KCNH1: variants seen among roughly 807,000 people sequenced by gnomAD.
KCNH1 encodes voltage-gated delayed rectifier potassium channel KCNH1.
A neutral mutation model predicts 69.2 loss-of-function variants in KCNH1; 27 were observed. That is an observed-to-expected ratio of 0.39 (90% CI 0.29 to 0.54). The LOEUF (loss-of-function observed/expected upper bound fraction) is 0.54. Among genes scored for constraint, KCNH1 ranks in the 20% least tolerant of loss-of-function variants. The probability of loss-of-function intolerance (pLI) is 0.68; values close to 1 mark genes in which losing one functional copy is unlikely to be tolerated. For missense variants in KCNH1, 798 were observed against 1,261.6 expected, an observed-to-expected ratio of 0.63 and a Z score of 5.57; for synonymous variants, 456 against 487.7, an observed-to-expected ratio of 0.93 and a Z score of 0.86.
At chr1:211,001,144 A>C (rs1314006209) in intron 6 of KCNH1, among the ~76,000 whole-genome samples, 1 of 152,236 alleles carries the variant, frequency 6.6e-6, no homozygotes, top group Non-Finnish European at 1.5e-5. Flanking sequence ...AATGGCAACA[A>C]AAGACAAAAT....
intron 6 of KCNH1, among the ~76,000 whole-genome samples, chr1:210,979,981 T>C (rs1043973593): frequency 3.9e-5 from 6 of 152,226 alleles, no homozygotes; most frequent in African/African-American, 7.2e-5. Flanking sequence ...CAAGATGTTG[T>C]GGACAAATAT....
chr1:210,797,932 A>C (rs1684351327), intron 8 of KCNH1, among the ~76,000 whole-genome samples, 172 bp from the exon 9 acceptor site: 1 of 152,036 alleles, frequency 6.6e-6, no homozygotes, highest in African/African-American at 2.4e-5. Flanking sequence ...GATAGCTTCT[A>C]AAAAAAATCT....
intron 7 of KCNH1, among the ~76,000 whole-genome samples, chr1:210,877,380 C>G (rs1686399254): frequency 6.6e-6 from 1 of 152,086 alleles, no homozygotes; most frequent in African/African-American, 2.4e-5. Flanking sequence ...CTCAGCTGCC[C>G]TGAGGGAGGA....
rs760501894 is a variant in KCNH1 at position 210,683,927 on chromosome 1, T to C, written c.2324A>G (p.His775Arg). Residue 775 changes from histidine to arginine, a missense_variant, in exon 11 of 11, where the codon CAT becomes CGT. This residue lies in a region of KCNH1 where 331 missense variants were observed against 363.2 expected (regional missense o/e 0.91). Coordinates refer to ENST00000271751, the MANE Select transcript of KCNH1 (RefSeq NM_172362.3). The surrounding 1 kb of genome is among the most constrained non-coding windows in gnomAD (Gnocchi z 5.7). Reference protein sequence around the residue: ...DVEKGNVLTEHASANHSLVKA... With the variant: ...DVEKGNVLTERASANHSLVKA... ...CACGAGGCTGTGGTTGGCGGAGGCATGCTCTGTAAGGACATTGCCCTTCTC... is the reference window on the plus strand; with the variant it reads ...CACGAGGCTGTGGTTGGCGGAGGCACGCTCTGTAAGGACATTGCCCTTCTC... The C allele has an allele frequency of 1.2e-6, 2 of 1,612,342 alleles. No individual in the cohort carries two copies. The highest frequency in any genetic ancestry group is 4.5e-5 in the East Asian group (2 of 44,800).
chr1:210,822,465 A>G (rs987951563), intron 7 of KCNH1, among the ~76,000 whole-genome samples: 5 of 152,102 alleles, frequency 3.3e-5, no homozygotes, highest in African/African-American at 1.2e-4. Flanking sequence ...AAGAATTTAT[A>G]CCGACTCAAT....
chr1:211,115,793 C>T (rs1448992363), intron 1 of KCNH1, among the ~76,000 whole-genome samples: 1 of 150,302 alleles, frequency 6.7e-6, no homozygotes, highest in African/African-American at 2.4e-5. Context: ...CTGACTAATA[C>T]ACTACCCAAA....
chr1:210,758,847 T>C (rs1683452722), intron 10 of KCNH1, among the ~76,000 whole-genome samples: 1 of 151,998 alleles, frequency 6.6e-6, no homozygotes, highest in Non-Finnish European at 1.5e-5. Flanking sequence ...CACTGGGAGG[T>C]GTTGCTTTTC....
At chr1:211,108,798 C>T (rs976964968) in intron 1 of KCNH1, among the ~76,000 whole-genome samples, 16 of 152,308 alleles carry the variant, frequency 1.1e-4, no homozygotes, top group African/African-American at 3.9e-4. Flanking sequence ...TATAAATATG[C>T]TTTTAATGAA....
intron 7 of KCNH1, among the ~76,000 whole-genome samples, chr1:210,839,980 TGAGAGTGA>T (rs1685370935): frequency 6.6e-6 from 1 of 151,844 alleles, no homozygotes; most frequent in Non-Finnish European, 1.5e-5. Flanking sequence ...CAATGCTGAG[TGAGAGTGA>T]GAGAGTGAGA....
intron 10 of KCNH1, among the ~76,000 whole-genome samples, chr1:210,740,907 C>A (rs907953820): frequency 2.0e-5 from 3 of 152,036 alleles, no homozygotes; most frequent in African/African-American, 7.2e-5. Context: ...GTAAAGCCAG[C>A]TCCAGAGGCT....
At chr1:210,988,005 G>A (rs1003456625) in intron 6 of KCNH1, among the ~76,000 whole-genome samples, 9 of 152,182 alleles carry the variant, frequency 5.9e-5, no homozygotes, top group East Asian at 1.9e-4. Context: ...CCCCAGCCTC[G>A]CTGACACCTT....
chr1:210,901,802 T>C (rs1314956198), intron 7 of KCNH1, among the ~76,000 whole-genome samples: 1 of 152,192 alleles, frequency 6.6e-6, no homozygotes, highest in Non-Finnish European at 1.5e-5. Context: ...TCACACAGTG[T>C]CTTATATTCC....
At chr1:211,023,886 C>G (rs529637171) in intron 5 of KCNH1, among the ~76,000 whole-genome samples, 1 of 152,094 alleles carries the variant, frequency 6.6e-6, no homozygotes, top group East Asian at 1.9e-4. Context: ...TTCTATAGCA[C>G]AGTAGAGTGA....
chr1:211,046,462 G>A (rs939837607), intron 5 of KCNH1, among the ~76,000 whole-genome samples: 5 of 152,098 alleles, frequency 3.3e-5, no homozygotes, highest in African/African-American at 1.2e-4. Context: ...CATTTACTGA[G>A]TACTTACTAC....
intron 6 of KCNH1, among the ~76,000 whole-genome samples, chr1:210,979,478 T>G (rs1351619096): frequency 5.3e-5 from 8 of 152,200 alleles, no homozygotes; most frequent in African/African-American, 1.4e-4. Context: ...CATTTAGCAT[T>G]TTTAATTATT....
chr1:210,861,211 T>G, intron 7 of KCNH1: 1 of 975,754 alleles, frequency 1.0e-6, no homozygotes, highest in South Asian at 1.3e-5. Flanking sequence ...AACACATCAA[T>G]GGAAAAATAA....
At chr1:210,771,597 T>C (rs1391455553) in intron 10 of KCNH1, among the ~76,000 whole-genome samples, 1 of 151,848 alleles carries the variant, frequency 6.6e-6, no homozygotes, top group African/African-American at 2.4e-5. Flanking sequence ...TAATAAAGAA[T>C]AGGGTATCAA....
intron 10 of KCNH1, among the ~76,000 whole-genome samples, chr1:210,693,871 G>T (rs947379537): frequency 2.0e-5 from 3 of 152,126 alleles, no homozygotes; most frequent in African/African-American, 7.2e-5. Context: ...CTCCTACAGG[G>T]CTTTGGCCCC....
At chr1:210,694,908 A>G (rs1208366888) in intron 10 of KCNH1, among the ~76,000 whole-genome samples, 2 of 152,232 alleles carry the variant, frequency 1.3e-5, no homozygotes, top group East Asian at 1.9e-4. Flanking sequence ...TCCTCTTAGA[A>G]GCTGATGATC....
Sources: gnomAD v4.1 joint callset for allele counts (sites outside exome capture counted in the v4.1 genomes callset) on GRCh38, gnomAD v4.1.1 for gene constraint, gnomAD v4.1.1 regional missense constraint, Gnocchi (gnomAD v3.1) non-coding constraint, MANE v1.5 for transcripts, NCBI Gene and HGNC (gene_info 2026-07-23, HGNC 2026-07-21) for gene names.